EGFLAM: variants seen among roughly 807,000 people sequenced by gnomAD.
EGFLAM encodes EGF like, fibronectin type III and laminin G domains.
EGFLAM carries 79 observed loss-of-function variants against 113.1 expected under a neutral mutation model. The observed-to-expected ratio is 0.70, with a 90% CI of 0.58 to 0.84. EGFLAM has a LOEUF of 0.84. Among genes scored for constraint, EGFLAM ranks in the 40% least tolerant of loss-of-function variants. The pLI, the probability that EGFLAM is intolerant of heterozygous loss-of-function variation, is 0.00. For missense variants in EGFLAM, 1,265 were observed against 1,291.6 expected, an observed-to-expected ratio of 0.98 and a Z score of 0.32; for synonymous variants, 504 against 487.6, an observed-to-expected ratio of 1.03 and a Z score of -0.44.
chr5:38,262,639 T>G (rs1288534620), intron 1 of EGFLAM, among the ~76,000 whole-genome samples: 1 of 152,218 alleles, frequency 6.6e-6, no homozygotes, highest in Admixed American at 6.5e-5. Flanking sequence ...ATCCATGTTT[T>G]TGCATATATT....
At chr5:38,293,921 A>C (rs188028433) in intron 1 of EGFLAM, among the ~76,000 whole-genome samples, 17 of 152,324 alleles carry the variant, frequency 1.1e-4, no homozygotes, top group Non-Finnish European at 2.1e-4. Context: ...CTCCTGGCTC[A>C]TACTCACTCC....
chr5:38,407,754 T>A, intron 8 of EGFLAM, 51 bp from the exon 9 acceptor site: 1 of 1,433,946 alleles, frequency 7.0e-7, no homozygotes. Flanking sequence ...TTTTTGCTTT[T>A]GAAGAAGTGA....
intron 1 of EGFLAM, among the ~76,000 whole-genome samples, chr5:38,277,038 G>A (rs1417737469): frequency 6.6e-6 from 1 of 152,074 alleles, no homozygotes; most frequent in Non-Finnish European, 1.5e-5. Context: ...AATTTAAGAG[G>A]AGGGAATACT....
At chr5:38,453,815 C>A (rs1051997574) in intron 19 of EGFLAM, among the ~76,000 whole-genome samples, 1 of 152,174 alleles carries the variant, frequency 6.6e-6, no homozygotes. Context: ...CCCTAAACTG[C>A]CAGCTGAATC....
intron 15 of EGFLAM, among the ~76,000 whole-genome samples, chr5:38,432,238 T>A (rs1742210684): frequency 6.6e-6 from 1 of 151,722 alleles, no homozygotes; most frequent in African/African-American, 2.4e-5. Context: ...AATAAGCAAA[T>A]AGACTAGTAG....
Position 38,393,947 on chromosome 5 carries a change from T to C in EGFLAM, c.713-12179T>C, listed in dbSNP as rs527401778. On this transcript the variant is annotated intron_variant, in intron 6 of 21. Coordinates refer to ENST00000322350, the MANE Select transcript of EGFLAM (RefSeq NM_152403.4). The stretch of plus-strand genomic sequence containing the variant: ...AAGGTGATGAATACAGAAGACTTCA[T>C]TGAGCGGTGGGTGGCTCTCAGCGGA... Among the ~76,000 whole-genome samples, 322 of 152,246 alleles carry C rather than the reference T, an allele frequency of 2.1e-3. 2 individuals are homozygous for C. The highest frequency in any genetic ancestry group is 3.7e-3 in the Non-Finnish European group (255 of 68,024).
intron 9 of EGFLAM, 64 bp from the exon 10 acceptor site, chr5:38,408,940 A>G (rs1741380382): frequency 6.0e-6 from 8 of 1,336,544 alleles, no homozygotes; most frequent in South Asian, 2.5e-5. Flanking sequence ...GTGTCTTTCC[A>G]GGTGGTGCCT....
intron 6 of EGFLAM, among the ~76,000 whole-genome samples, chr5:38,405,635 A>AT (rs2112124199): frequency 6.6e-6 from 1 of 152,244 alleles, no homozygotes; most frequent in African/African-American, 2.4e-5. Flanking sequence ...TATTTGGAGT[A>AT]TTTTTTACTA....
rs113643475 is a variant in EGFLAM at position 38,313,676 on chromosome 5, A to G, written c.98-23844A>G. On this transcript the variant is annotated intron_variant, in intron 1 of 21. Coordinates refer to ENST00000322350, the MANE Select transcript of EGFLAM (RefSeq NM_152403.4). ...GAACTGGATTCTACCATTTAAAAAA[A>G]CTTGTCTCGATTTATTAGCAATGGC... 3.3e-3 allele frequency among the ~76,000 whole-genome samples: 508 copies of G among 152,336 alleles called. 7 individuals are homozygous for G. Among genetic ancestry groups the G allele is most frequent in the African/African-American group, 0.012 (491 of 41,580 alleles).
At chr5:38,433,065 C>T (rs1407195259) in intron 15 of EGFLAM, among the ~76,000 whole-genome samples, 2 of 152,188 alleles carry the variant, frequency 1.3e-5, no homozygotes, top group African/African-American at 2.4e-5. Context: ...AGGCCAATGC[C>T]TGATCTCCAT....
At chr5:38,349,968 C>T (rs200196608) in intron 3 of EGFLAM, among the ~76,000 whole-genome samples, 1 of 89,576 alleles carries the variant, frequency 1.1e-5, no homozygotes, top group Non-Finnish European at 2.5e-5. Context: ...CACACACACA[C>T]ACACACACAC....
intron 1 of EGFLAM, among the ~76,000 whole-genome samples, chr5:38,278,395 A>G (rs1359470496): frequency 6.6e-6 from 1 of 152,216 alleles, no homozygotes; most frequent in Non-Finnish European, 1.5e-5. Context: ...AAATCAACTC[A>G]AACTGGATTA....
At position 38,451,386 on chromosome 5, in the gene EGFLAM, G is replaced by A. The variant is rs1179000697; in HGVS notation, c.2615G>A (p.Arg872Lys). ...GCCAAGGATGGCCTTTTGCTGTGGA[G>A]GGGAGACAGCCCCATGAGACCCAAC... is the stretch of plus-strand genomic sequence containing the variant. ...TTAKDGLLLW[R>K]GDSPMRPNSD... Residue 872 changes from arginine (R) to lysine (K), a missense_variant, in exon 19 of 22, where the codon AGG becomes AAG. Physicochemically the swap from Arg to Lys is conservative, Grantham distance 26. Coordinates refer to ENST00000322350, the MANE Select transcript of EGFLAM (RefSeq NM_152403.4). 6.2e-7 allele frequency: 1 copy of A among 1,614,236 alleles called. No homozygotes were observed. The highest frequency in any genetic ancestry group is 8.5e-7 in the Non-Finnish European group (1 of 1,180,044).
At chr5:38,407,732 G>A (rs200771297) in intron 8 of EGFLAM, 73 bp from the exon 9 acceptor site, 28 of 1,125,542 alleles carry the variant, frequency 2.5e-5, no homozygotes, top group Middle Eastern at 4.8e-4. Context: ...TTCAGGCAAC[G>A]TTGTATATTG....
chr5:38,277,598 T>C (rs1757917348), intron 1 of EGFLAM, among the ~76,000 whole-genome samples: 2 of 121,742 alleles, frequency 1.6e-5, no homozygotes, highest in South Asian at 2.6e-4. Context: ...AAGCTCTAAA[T>C]GGGAAAGAAG....
intron 6 of EGFLAM, chr5:38,403,307 G>A (rs1235587485): frequency 6.4e-6 from 1 of 155,116 alleles, no homozygotes. Flanking sequence ...CTTCTTCACA[G>A]TTTCACAGAT....
intron 1 of EGFLAM, chr5:38,286,022 T>C (rs1212717630): frequency 6.6e-6 from 1 of 152,200 alleles, no homozygotes; most frequent in Non-Finnish European, 1.5e-5. Context: ...TTCCAGCGAA[T>C]GACCCTCCAG....
intron 1 of EGFLAM, among the ~76,000 whole-genome samples, chr5:38,293,197 AGTT>A (rs1758375891): frequency 6.6e-6 from 1 of 152,218 alleles, no homozygotes; most frequent in Non-Finnish European, 1.5e-5. Flanking sequence ...GCAGTATAGC[AGTT>A]GTTTTTGTAT....
intron 15 of EGFLAM, 83 bp downstream of exon 15, chr5:38,431,371 A>G (rs1742182691): frequency 7.1e-7 from 1 of 1,399,386 alleles, no homozygotes; most frequent in Non-Finnish European, 9.9e-7. Context: ...AAAGCAGCAG[A>G]GTGTTCTGGT....
Sources: allele counts gnomAD v4.1 joint callset (sites outside exome capture counted in the v4.1 genomes callset), GRCh38; gene constraint gnomAD v4.1.1; transcripts MANE v1.5; gene names NCBI Gene and HGNC (gene_info 2026-07-23, HGNC 2026-07-21).